Variants in AMPH observed in about 807,000 individuals in gnomAD.
AMPH encodes amphiphysin (Stiff-Mann syndrome with breast cancer 128kD autoantigen).
A neutral mutation model predicts 99.1 loss-of-function variants in AMPH; 49 were observed. That is an observed-to-expected ratio of 0.49 (90% CI 0.39 to 0.63). AMPH has a LOEUF of 0.63. Ranked by LOEUF, AMPH falls within the 20% of genes least tolerant of loss-of-function variation. AMPH has a pLI of 0.00. For missense variants in AMPH, 759 were observed against 863.4 expected, an observed-to-expected ratio of 0.88 and a Z score of 1.52; for synonymous variants, 314 against 317.3, an observed-to-expected ratio of 0.99 and a Z score of 0.11.
At chr7:38,521,094 A>G (rs1370799054) in intron 2 of AMPH, among the ~76,000 whole-genome samples, 1 of 146,690 alleles carries the variant, frequency 6.8e-6, no homozygotes, top group Non-Finnish European at 1.5e-5. Context: ...AACTCTAGGT[A>G]CAAATAATTT....
At chr7:38,522,792 A>AAG (rs1053145216) in intron 2 of AMPH, among the ~76,000 whole-genome samples, 3 of 152,074 alleles carry the variant, frequency 2.0e-5, no homozygotes, top group Non-Finnish European at 2.9e-5. Flanking sequence ...CTCACTCTCA[A>AAG]AGAGGGAAGT....
rs754650050 is a variant in AMPH at position 38,391,919 on chromosome 7, G to A, written c.1707C>T (p.Thr569=). 1.1e-4 allele frequency: 182 copies of A among 1,612,570 alleles called. No individual in the cohort carries two copies. The highest frequency in any genetic ancestry group is 1.5e-4 in the Non-Finnish European group (177 of 1,179,910). The change falls in exon 19 of 21, where the codon ACC becomes ACT. Residue 569 remains threonine, a synonymous_variant. Transcript: ENST00000356264. The stretch of plus-strand genomic sequence containing the variant: ...TGGGGCCCGGAGGAGCCGCGTCCTC[G>A]GTGGTCTCCTTGGGCTCTGCACCTA... ...ITIGAEPKET[T]EDAAPPGPTS... is the part of the protein sequence containing the mutation.
chr7:38,490,184 C>A (rs1314847654), intron 5 of AMPH, among the ~76,000 whole-genome samples: 1 of 152,078 alleles, frequency 6.6e-6, no homozygotes, highest in African/African-American at 2.4e-5. Flanking sequence ...TTTTTAATTT[C>A]TCAGAGAATT....
chr7:38,453,227 G>A (rs1787102412), intron 11 of AMPH, among the ~76,000 whole-genome samples: 1 of 152,166 alleles, frequency 6.6e-6, no homozygotes, highest in Non-Finnish European at 1.5e-5. Context: ...TGTCTCTGGT[G>A]CTTAGTTCTT....
At chr7:38,562,640 G>T (rs555944155) in intron 1 of AMPH, among the ~76,000 whole-genome samples, 1 of 151,528 alleles carries the variant, frequency 6.6e-6, no homozygotes, top group Non-Finnish European at 1.5e-5. Flanking sequence ...AAGGAATCAT[G>T]ATATGAGCAC....
intron 1 of AMPH, among the ~76,000 whole-genome samples, chr7:38,542,184 G>A (rs1457608217): frequency 6.6e-6 from 1 of 152,126 alleles, no homozygotes; most frequent in Non-Finnish European, 1.5e-5. Context: ...GAGTCACCTT[G>A]TCCCAGAATT....
chr7:38,405,119 A>G (rs1338169727), intron 17 of AMPH, among the ~76,000 whole-genome samples: 1 of 152,222 alleles, frequency 6.6e-6, no homozygotes. Flanking sequence ...GCTAAGCTTC[A>G]TAAACGAAGG....
chr7:38,447,913 C>A (rs751411963), intron 11 of AMPH, among the ~76,000 whole-genome samples: 6 of 152,014 alleles, frequency 3.9e-5, no homozygotes, highest in Non-Finnish European at 7.4e-5. Flanking sequence ...ATTTTGAAAA[C>A]CTTTACTATA....
intron 1 of AMPH, among the ~76,000 whole-genome samples, chr7:38,573,060 C>T (rs7809938): frequency 3.3e-5 from 5 of 152,110 alleles, no homozygotes; most frequent in South Asian, 2.1e-4. Context: ...GTCAAGATTC[C>T]GATTCATTAC....
chr7:38,616,212 G>A (rs1320569871), intron 1 of AMPH, among the ~76,000 whole-genome samples: 1 of 152,008 alleles, frequency 6.6e-6, no homozygotes, highest in Non-Finnish European at 1.5e-5. Flanking sequence ...AACACAAAAT[G>A]TGGACAGTTC....
At chr7:38,539,496 A>C (rs1790732114) in intron 1 of AMPH, among the ~76,000 whole-genome samples, 3 of 152,208 alleles carry the variant, frequency 2.0e-5, no homozygotes. Flanking sequence ...ACTCAGATTC[A>C]CCAGAAAGGA....
At chr7:38,537,681 C>T (rs567138840) in intron 1 of AMPH, among the ~76,000 whole-genome samples, 2 of 152,274 alleles carry the variant, frequency 1.3e-5, no homozygotes, top group East Asian at 3.9e-4. Context: ...TTAAACAGAT[C>T]GTCAATATGA....
At chr7:38,441,473 G>T (rs1444897161) in intron 11 of AMPH, among the ~76,000 whole-genome samples, 1 of 151,876 alleles carries the variant, frequency 6.6e-6, no homozygotes, top group Non-Finnish European at 1.5e-5. Flanking sequence ...AGTATTCTGG[G>T]TCATCAAATA....
At position 38,623,102 on chromosome 7, in the gene AMPH, C is replaced by T. The variant is rs1794127369; in HGVS notation, c.69+8181G>A. 3.3e-5 allele frequency among the ~76,000 whole-genome samples: 5 copies of T among 152,108 alleles called. No individual in the cohort carries two copies. The South Asian group carries it at 1.0e-3, about 32-fold the overall frequency. Reference sequence around the variant, plus strand: ...TGAAATTATCACAAGAGACAGGGACCCCTGGGAGGAGTAAGAGATTTTCAT... The same window carrying T: ...TGAAATTATCACAAGAGACAGGGACTCCTGGGAGGAGTAAGAGATTTTCAT... On this transcript the variant is annotated intron_variant, in intron 1 of 20. Coordinates refer to ENST00000356264, the MANE Select transcript of AMPH (RefSeq NM_001635.4).
At chr7:38,534,134 T>C (rs1239726657) in intron 2 of AMPH, among the ~76,000 whole-genome samples, 1 of 152,202 alleles carries the variant, frequency 6.6e-6, no homozygotes, top group Non-Finnish European at 1.5e-5. Flanking sequence ...ATACTATATG[T>C]CTGCTTATCT....
intron 4 of AMPH, among the ~76,000 whole-genome samples, chr7:38,491,788 G>A (rs544996885): frequency 6.6e-6 from 1 of 152,146 alleles, no homozygotes; most frequent in Non-Finnish European, 1.5e-5. Flanking sequence ...CTTGGCCAAG[G>A]TTATAAAGTT....
intron 2 of AMPH, 148 bp downstream of exon 2, chr7:38,534,783 G>GAAA: frequency 1.5e-6 from 1 of 678,362 alleles, no homozygotes; most frequent in Non-Finnish European, 2.5e-6. Context: ...TCTTCAATAG[G>GAAA]AAATTCTCCA....
intron 18 of AMPH, among the ~76,000 whole-genome samples, chr7:38,392,374 G>GTTTTTTTTTT (rs1562722574): frequency 1.1e-5 from 1 of 90,156 alleles, no homozygotes; most frequent in Non-Finnish European, 2.2e-5. Context: ...GGCCGGCCTG[G>GTTTTTTTTTT]TTCTTTTTTT....
At chr7:38,525,277 T>TATATATATATAGAGAGAGAGAG (rs1481528083) in intron 2 of AMPH, among the ~76,000 whole-genome samples, 9 of 86,654 alleles carry the variant, frequency 1.0e-4, no homozygotes, top group African/African-American at 4.3e-4. Flanking sequence ...TATATATATA[T>TATATATATATAGAGAGAGAGAG]AGAGAGAGAG....
Sources: allele counts gnomAD v4.1 joint callset (sites outside exome capture counted in the v4.1 genomes callset), GRCh38; gene constraint gnomAD v4.1.1; transcripts MANE v1.5; gene names NCBI Gene and HGNC (gene_info 2026-07-23, HGNC 2026-07-21).